The following TAFA1 variants were observed in gnomAD, a reference collection of about 807,000 sequenced individuals.
The protein encoded by TAFA1 is chemokine-like protein TAFA-1.
Under a neutral mutation model 18.5 loss-of-function variants are expected in TAFA1, and 4 were observed. That is an observed-to-expected ratio of 0.22 (90% CI 0.11 to 0.49). The LOEUF is 0.49. TAFA1 is among the 20% of genes least tolerant of loss of function. The pLI is 0.98. For synonymous variants in TAFA1, 56 were observed against 55.2 expected (o/e 1.01, Z -0.06); for missense variants, 147 against 169.0 (o/e 0.87, Z 0.72).
intron 2 of TAFA1, among the ~76,000 whole-genome samples, chr3:68,085,376 T>C (rs562202925): frequency 1.2e-4 from 18 of 152,216 alleles, no homozygotes; most frequent in Non-Finnish European, 2.5e-4. Flanking sequence ...TCCTAACTTA[T>C]TTGATTATGA....
rs574723338 is a variant in TAFA1, at chr3:68,136,916, G to T, written c.118+130172G>T. On this transcript the variant is annotated intron_variant, in intron 2 of 4. Transcript: ENST00000478136. ...CTGCAATTTCAAAGGATACTTCAGT[G>T]TTCTTTTTACCTATTCATTAAGGAC... 1.1e-3 allele frequency among the ~76,000 whole-genome samples: 167 copies of T among 152,274 alleles called. 1 individual carries two copies. The highest frequency in any genetic ancestry group is 4.0e-3 in the African/African-American group (165 of 41,554).
intron 2 of TAFA1, among the ~76,000 whole-genome samples, chr3:68,111,153 A>G (rs910560257): frequency 1.2e-4 from 18 of 152,214 alleles, no homozygotes; most frequent in African/African-American, 4.1e-4. Flanking sequence ...TTAAAATAAA[A>G]TGTCCAAAAC....
intron 2 of TAFA1, among the ~76,000 whole-genome samples, chr3:68,072,884 A>G (rs2064774416): frequency 6.6e-6 from 1 of 152,234 alleles, no homozygotes; most frequent in Non-Finnish European, 1.5e-5. Flanking sequence ...AACTGAAAAG[A>G]ACACTACAAA....
chr3:68,497,111 T>C (rs183422523), intron 3 of TAFA1, among the ~76,000 whole-genome samples: 1 of 152,308 alleles, frequency 6.6e-6, no homozygotes, highest in East Asian at 1.9e-4. Context: ...ATGATTATAA[T>C]ACCACCTTTT....
chr3:68,505,410 T>C lies in TAFA1; in HGVS notation c.260-33346T>C, dbSNP rs114994469. On this transcript the variant is annotated intron_variant, in intron 3 of 4. Coordinates refer to ENST00000478136, the MANE Select transcript of TAFA1 (RefSeq NM_213609.4). ...CATTTTAAATTCATCTCTGTTACTTTGTATTACTTTTCTATTTCTGCAAAC... is the reference window on the plus strand; with the variant it reads ...CATTTTAAATTCATCTCTGTTACTTCGTATTACTTTTCTATTTCTGCAAAC... Among the ~76,000 whole-genome samples, 360 of 152,298 alleles carry C rather than the reference T, an allele frequency of 2.4e-3. 1 individual carries two copies. The highest frequency in any genetic ancestry group is 8.1e-3 in the African/African-American group (335 of 41,580).
chr3:68,425,751 C>CTGTT (rs1210627297), intron 3 of TAFA1, among the ~76,000 whole-genome samples: 3 of 152,036 alleles, frequency 2.0e-5, no homozygotes, highest in East Asian at 1.9e-4. Context: ...TGTCATCTTT[C>CTGTT]TGTTTGTTTG....
chr3:68,011,863 AG>A (rs1199560542), intron 2 of TAFA1, among the ~76,000 whole-genome samples: 6 of 152,220 alleles, frequency 3.9e-5, no homozygotes. Flanking sequence ...ATAATATCAA[AG>A]CCAAATACAG....
chr3:68,460,001 AG>A (rs2071745220), intron 3 of TAFA1, among the ~76,000 whole-genome samples: 1 of 152,208 alleles, frequency 6.6e-6, no homozygotes. Context: ...TTGAGGCTTG[AG>A]AGATGGACAA....
At chr3:68,242,660 G>A (rs2067014403) in intron 2 of TAFA1, among the ~76,000 whole-genome samples, 1 of 152,126 alleles carries the variant, frequency 6.6e-6, no homozygotes, top group African/African-American at 2.4e-5. Context: ...AACTGAAAAT[G>A]CCATTTATTT....
At chr3:68,164,157 C>G (rs930523870) in intron 2 of TAFA1, among the ~76,000 whole-genome samples, 1 of 152,220 alleles carries the variant, frequency 6.6e-6, no homozygotes, top group African/African-American at 2.4e-5. Flanking sequence ...CTGCAGTTCA[C>G]TGCTGAGTCA....
intron 2 of TAFA1, among the ~76,000 whole-genome samples, chr3:68,046,238 G>A (rs1705265319): frequency 3.3e-5 from 5 of 151,980 alleles, no homozygotes; most frequent in Admixed American, 2.0e-4. Flanking sequence ...TTGGAACACA[G>A]GTCTAGATGA....
intron 2 of TAFA1, among the ~76,000 whole-genome samples, chr3:68,310,776 A>G (rs937072925): frequency 1.3e-5 from 2 of 152,208 alleles, no homozygotes; most frequent in African/African-American, 2.4e-5. Flanking sequence ...GGAGAAGCCA[A>G]TGTTAATGCT....
At chr3:68,150,489 C>T (rs1480169205) in intron 2 of TAFA1, among the ~76,000 whole-genome samples, 1 of 152,048 alleles carries the variant, frequency 6.6e-6, no homozygotes, top group Non-Finnish European at 1.5e-5. Flanking sequence ...ACTGTTATGG[C>T]AACAAAGGCA....
intron 2 of TAFA1, among the ~76,000 whole-genome samples, chr3:68,364,561 G>T (rs558085583): frequency 6.6e-6 from 1 of 152,126 alleles, no homozygotes; most frequent in Non-Finnish European, 1.5e-5. Context: ...CTAGAGGAAC[G>T]TATTTATCTT....
At chr3:68,492,413 G>C (rs1275579183) in intron 3 of TAFA1, among the ~76,000 whole-genome samples, 2 of 152,056 alleles carry the variant, frequency 1.3e-5, no homozygotes, top group African/African-American at 4.8e-5. Context: ...GCAAAGCCTA[G>C]GGAAATCCGA....
intron 3 of TAFA1, among the ~76,000 whole-genome samples, chr3:68,474,907 T>C (rs1242306601): frequency 6.6e-6 from 1 of 152,168 alleles, no homozygotes; most frequent in African/African-American, 2.4e-5. Context: ...GGCTTTGTTT[T>C]TTTCAGAGTG....
At chr3:68,362,814 A>C (rs746163001) in intron 2 of TAFA1, among the ~76,000 whole-genome samples, 11 of 152,092 alleles carry the variant, frequency 7.2e-5, no homozygotes, top group Non-Finnish European at 1.3e-4. Flanking sequence ...AGGTTCTACA[A>C]ATGTGTGTAG....
At chr3:68,395,412 A>G (rs1182735369) in intron 2 of TAFA1, among the ~76,000 whole-genome samples, 2 of 152,156 alleles carry the variant, frequency 1.3e-5, no homozygotes, top group Non-Finnish European at 2.9e-5. Context: ...AACTAGAAAT[A>G]CCATTTGACC....
At chr3:68,375,934 A>G (rs1412577359) in intron 2 of TAFA1, among the ~76,000 whole-genome samples, 1 of 152,192 alleles carries the variant, frequency 6.6e-6, no homozygotes, top group African/African-American at 2.4e-5. Flanking sequence ...AAGTATTTAT[A>G]TATTTTTAAA....
Sources: allele counts gnomAD v4.1 joint callset (sites outside exome capture counted in the v4.1 genomes callset), GRCh38; gene constraint gnomAD v4.1.1; transcripts MANE v1.5; gene names NCBI Gene and HGNC (gene_info 2026-07-23, HGNC 2026-07-21).